KCND2: variants seen among roughly 807,000 people sequenced by gnomAD.
KCND2 encodes the protein potassium voltage-gated channel subfamily D member 2, also known as A-type voltage-gated potassium channel KCND2.
Under a neutral mutation model 54.4 loss-of-function variants are expected in KCND2, and 16 were observed. The observed-to-expected ratio is 0.29, with a 90% CI of 0.20 to 0.45. KCND2 has a LOEUF of 0.45. Among genes scored for constraint, KCND2 ranks in the 20% least tolerant of loss-of-function variants. The pLI, the probability that KCND2 is intolerant of heterozygous loss-of-function variation, is 1.00. For synonymous variants in KCND2, 317 were observed against 310.7 expected (o/e 1.02, Z -0.21); for missense variants, 486 against 824.2 (o/e 0.59, Z 5.02).
intron 1 of KCND2, among the ~76,000 whole-genome samples, chr7:120,287,355 G>T (rs1799361073): frequency 6.6e-6 from 1 of 152,048 alleles, no homozygotes; most frequent in African/African-American, 2.4e-5. Flanking sequence ...GGATCATCAG[G>T]ATTAGGATTA....
At chr7:120,637,502 G>A in intron 1 of KCND2, among the ~76,000 whole-genome samples, 1 of 152,008 alleles carries the variant, frequency 6.6e-6, no homozygotes, top group East Asian at 1.9e-4. Context: ...CACTTAAAGA[G>A]CAAGAAATAA....
At chr7:120,734,092 T>C (rs1224508819) in intron 2 of KCND2, among the ~76,000 whole-genome samples, 2 of 152,044 alleles carry the variant, frequency 1.3e-5, no homozygotes. Flanking sequence ...TAGAAAAAGA[T>C]TTACAGGCAG....
At chr7:120,693,646 C>T (rs980514753) in intron 1 of KCND2, among the ~76,000 whole-genome samples, 1 of 152,046 alleles carries the variant, frequency 6.6e-6, no homozygotes, top group South Asian at 2.1e-4. Context: ...AGATCTAGCT[C>T]TGTATTTGCT....
intron 1 of KCND2, among the ~76,000 whole-genome samples, chr7:120,283,172 TG>T (rs1799289950): frequency 6.6e-6 from 1 of 152,116 alleles, no homozygotes; most frequent in African/African-American, 2.4e-5. Flanking sequence ...GACTTCAAGG[TG>T]GGATGAAGTT....
At chr7:120,347,830 G>A (rs917453067) in intron 1 of KCND2, among the ~76,000 whole-genome samples, 5 of 151,754 alleles carry the variant, frequency 3.3e-5, no homozygotes, top group South Asian at 2.1e-4. Flanking sequence ...ACAAAGAACC[G>A]TAGACAGAGT....
intron 1 of KCND2, among the ~76,000 whole-genome samples, chr7:120,633,118 T>G (rs1259111464): frequency 1.3e-5 from 2 of 152,214 alleles, no homozygotes; most frequent in Non-Finnish European, 1.5e-5. Context: ...TCTCATTTAC[T>G]TCTTGGAGGA....
intron 1 of KCND2, among the ~76,000 whole-genome samples, chr7:120,637,522 A>G (rs933912330): frequency 2.2e-4 from 34 of 152,198 alleles, no homozygotes; most frequent in African/African-American, 7.9e-4. Flanking sequence ...ACTCAGTGTA[A>G]TTCTTTCATT....
intron 1 of KCND2, among the ~76,000 whole-genome samples, chr7:120,511,024 T>TCTCTCA (rs36008574): frequency 2.8e-5 from 4 of 144,992 alleles, no homozygotes; most frequent in African/African-American, 1.0e-4. Flanking sequence ...TCTCTCTCTC[T>TCTCTCA]CACACACACA....
At chr7:120,446,252 G>C (rs907654530) in intron 1 of KCND2, among the ~76,000 whole-genome samples, 5 of 152,112 alleles carry the variant, frequency 3.3e-5, no homozygotes, top group African/African-American at 1.2e-4. Context: ...CAGAGAGATA[G>C]AGTTTAGCAC....
intron 1 of KCND2, among the ~76,000 whole-genome samples, chr7:120,426,565 C>A (rs966465439): frequency 6.7e-6 from 1 of 149,240 alleles, no homozygotes; most frequent in African/African-American, 2.5e-5. Flanking sequence ...AGCCGATGTA[C>A]GTTTTTTGTG....
chr7:120,465,897 A>G (rs1802361356), intron 1 of KCND2, among the ~76,000 whole-genome samples: 1 of 152,140 alleles, frequency 6.6e-6, no homozygotes, highest in South Asian at 2.1e-4. Context: ...ATGGGTGGAG[A>G]CTACTGTTTC....
intron 1 of KCND2, among the ~76,000 whole-genome samples, chr7:120,526,046 A>G (rs1441760092): frequency 2.0e-5 from 3 of 152,148 alleles, no homozygotes; most frequent in Non-Finnish European, 2.9e-5. Flanking sequence ...ACACTCGCCA[A>G]AACTTTTCCC....
intron 1 of KCND2, among the ~76,000 whole-genome samples, chr7:120,283,145 G>C (rs539048965): frequency 1.3e-5 from 2 of 152,254 alleles, no homozygotes; most frequent in African/African-American, 4.8e-5. Flanking sequence ...TAGAGGAAGA[G>C]AGAAAAGGAG....
chr7:120,347,687 G>T lies in KCND2; in HGVS notation c.1115+71940G>T, dbSNP rs532529741. Among the ~76,000 whole-genome samples the T allele has an allele frequency of 4.0e-5, 6 of 151,728 alleles. No homozygotes were observed. In the East Asian group the frequency reaches 1.2e-3, roughly 30 times the overall value. The stretch of plus-strand genomic sequence containing the variant: ...CAGGAGAATTGGTTGAACCCAGGAG[G>T]CAGAGGTTGCAGTGAGGAGAGATCA... On this transcript the variant is annotated intron_variant, in intron 1 of 5. Transcript: ENST00000331113.
At chr7:120,578,635 G>A (rs963999275) in intron 1 of KCND2, among the ~76,000 whole-genome samples, 2 of 152,134 alleles carry the variant, frequency 1.3e-5, no homozygotes, top group African/African-American at 4.8e-5. Flanking sequence ...GGGGACCAAG[G>A]TGGGAAGATC....
intron 1 of KCND2, among the ~76,000 whole-genome samples, chr7:120,482,072 G>A (rs1802615011): frequency 6.6e-6 from 1 of 152,134 alleles, no homozygotes; most frequent in Non-Finnish European, 1.5e-5. Flanking sequence ...AGGGTTGCCT[G>A]AGGCCTTTGG....
Position 120,352,349 on chromosome 7 carries a change from A to AATACATACATATGTATGTAT in KCND2, c.1115+76615_1115+76634dup, listed in dbSNP as rs1305026237. On this transcript the variant is annotated intron_variant, in intron 1 of 5. Coordinates refer to ENST00000331113, the MANE Select transcript of KCND2 (RefSeq NM_012281.3). ...AATACATACATATATATTTTTCCCA[A>AATACATACATATGTATGTAT]ATACATACATATGTATGTATATACA... Among the ~76,000 whole-genome samples, 494 of 151,936 alleles carry AATACATACATATGTATGTAT rather than the reference A, an allele frequency of 3.3e-3. 7 individuals are homozygous for AATACATACATATGTATGTAT. The highest frequency in any genetic ancestry group is 0.011 in the African/African-American group (451 of 41,390).
intron 1 of KCND2, among the ~76,000 whole-genome samples, chr7:120,701,697 A>C (rs185472036): frequency 2.6e-5 from 4 of 152,212 alleles, no homozygotes; most frequent in Admixed American, 2.0e-4. Flanking sequence ...AACAAGCAGG[A>C]GGAAAGGACT....
Position 120,362,244 on chromosome 7 carries a change from G to A in KCND2, c.1115+86497G>A, listed in dbSNP as rs530715048. Among the ~76,000 whole-genome samples the A allele has an allele frequency of 6.6e-5, 10 of 152,150 alleles. No individual in the cohort carries two copies. In the South Asian group the frequency reaches 1.2e-3, roughly 19 times the overall value. On this transcript the variant is annotated intron_variant, in intron 1 of 5. Transcript: ENST00000331113. ...AAATAATTTTTGGAACTCTTGTAAT[G>A]TCATCATTTTTATATAGCCCAACTC...
Sources: gnomAD v4.1 joint callset for allele counts (sites outside exome capture counted in the v4.1 genomes callset) on GRCh38, gnomAD v4.1.1 for gene constraint, MANE v1.5 for transcripts, NCBI Gene and HGNC (gene_info 2026-07-23, HGNC 2026-07-21) for gene names.